ARHGEF10L: variants seen among roughly 807,000 people sequenced by gnomAD.
The protein encoded by ARHGEF10L is Rho guanine nucleotide exchange factor 10 like.
In ARHGEF10L, 69 loss-of-function variants were observed where a neutral mutation model predicts 141.2. The ratio of observed to expected loss-of-function variants is 0.49; its 90% CI spans 0.40 to 0.60. The LOEUF is 0.60. Among genes scored for constraint, ARHGEF10L ranks in the 20% least tolerant of loss-of-function variants. The probability of loss-of-function intolerance (pLI) is 0.00; values close to 1 mark genes in which losing one functional copy is unlikely to be tolerated. For missense variants in ARHGEF10L, 1,482 were observed against 1,734.3 expected, an observed-to-expected ratio of 0.85 and a Z score of 2.58; for synonymous variants, 711 against 718.5, an observed-to-expected ratio of 0.99 and a Z score of 0.17.
At chr1:17,588,377 CG>C in intron 3 of ARHGEF10L, 68 bp from the exon 4 acceptor site, 3 of 1,570,644 alleles carry the variant, frequency 1.9e-6, no homozygotes, top group Non-Finnish European at 1.7e-6. Context: ...GGGAAAGGGG[CG>C]GGGAAGGCCT....
intron 27 of ARHGEF10L, among the ~76,000 whole-genome samples, chr1:17,690,362 G>C (rs1374864952): frequency 6.6e-6 from 1 of 152,248 alleles, no homozygotes; most frequent in Non-Finnish European, 1.5e-5. Flanking sequence ...CCGCAGGGCA[G>C]GTGTAGGTGT....
chr1:17,525,242 G>A, the ARHGEF10L span, among the ~76,000 whole-genome samples: 2 of 152,080 alleles, frequency 1.3e-5, no homozygotes, highest in Non-Finnish European at 2.9e-5. Flanking sequence ...TTCTCCCTCC[G>A]CATCTTAGTC....
intron 1 of ARHGEF10L, among the ~76,000 whole-genome samples, chr1:17,553,148 T>C (rs918496611): frequency 6.6e-6 from 1 of 152,186 alleles, no homozygotes; most frequent in African/African-American, 2.4e-5. Flanking sequence ...CTTCTGCTCC[T>C]TTCACTCCTC....
At chr1:17,532,891 A>C in the ARHGEF10L span, among the ~76,000 whole-genome samples, 1 of 151,886 alleles carries the variant, frequency 6.6e-6, no homozygotes, top group Non-Finnish European at 1.5e-5. Flanking sequence ...TACTGCACCC[A>C]CCACCCCCTC....
chr1:17,616,059 TC>T, intron 8 of ARHGEF10L, 34 bp from the exon 9 acceptor site: 1 of 1,592,162 alleles, frequency 6.3e-7, no homozygotes, highest in Non-Finnish European at 8.6e-7. Flanking sequence ...TCCCAGGCCG[TC>T]CCTTCCCTGA....
At chr1:17,561,560 G>C (rs2077545452) in intron 1 of ARHGEF10L, among the ~76,000 whole-genome samples, 1 of 152,174 alleles carries the variant, frequency 6.6e-6, no homozygotes, top group African/African-American at 2.4e-5. Flanking sequence ...GCCCAGCGTC[G>C]ATGGGCGCTG....
chr1:17,591,132 C>T (rs909977481), intron 4 of ARHGEF10L, among the ~76,000 whole-genome samples: 7 of 152,304 alleles, frequency 4.6e-5, no homozygotes, highest in Admixed American at 6.5e-5. Context: ...GGAAGGGAAG[C>T]GCAGAGTGGT....
At chr1:17,624,934 C>T (rs997899045) in intron 13 of ARHGEF10L, among the ~76,000 whole-genome samples, 2 of 152,192 alleles carry the variant, frequency 1.3e-5, no homozygotes, top group Admixed American at 6.5e-5. Flanking sequence ...AGGTTAAAGG[C>T]TTCGAAAAGC....
chr1:17,577,298 G>C (rs1277430595), intron 1 of ARHGEF10L, among the ~76,000 whole-genome samples: 1 of 152,126 alleles, frequency 6.6e-6, no homozygotes, highest in East Asian at 1.9e-4. Flanking sequence ...TGCCTGCCCC[G>C]GCCTCCCAAA....
At chr1:17,683,526 C>T (rs1344798870) in intron 26 of ARHGEF10L, among the ~76,000 whole-genome samples, 3 of 152,222 alleles carry the variant, frequency 2.0e-5, no homozygotes, top group Non-Finnish European at 2.9e-5. Flanking sequence ...CCACCTACTC[C>T]CTGCCCTGTG....
chr1:17,686,412 A>T (rs2064602599), intron 26 of ARHGEF10L, among the ~76,000 whole-genome samples: 1 of 152,230 alleles, frequency 6.6e-6, no homozygotes, highest in East Asian at 1.9e-4. Context: ...CTGTCCTTGG[A>T]GTCCACAGTC....
At chr1:17,608,009 T>A in intron 7 of ARHGEF10L, 32 bp downstream of exon 7, 1 of 647,264 alleles carries the variant, frequency 1.5e-6, no homozygotes. Flanking sequence ...CTCACCTCAG[T>A]CAGGGCACGG....
At position 17,638,018 on chromosome 1, in the gene ARHGEF10L, C is replaced by T; in HGVS notation, c.2043+15C>T. 1 of 1,564,046 alleles carries T rather than the reference C, an allele frequency of 6.4e-7. No homozygotes were observed. The highest frequency in any genetic ancestry group is 8.7e-7 in the Non-Finnish European group (1 of 1,153,398). On this transcript the variant is annotated intron_variant, in intron 19 of 28. Transcript: ENST00000361221. ...GCACCTACCAGGTACGTGGCCTGGC[C>T]TGACCTTTTTGGCCTGAGCTCCCCA...
At chr1:17,599,206 C>T (rs1438679322) in intron 4 of ARHGEF10L, among the ~76,000 whole-genome samples, 2 of 151,978 alleles carry the variant, frequency 1.3e-5, no homozygotes, top group Admixed American at 6.6e-5. Context: ...CATAGTGGCG[C>T]GTGCCTGTAG....
chr1:17,559,896 G>A (rs1045714536), intron 1 of ARHGEF10L, among the ~76,000 whole-genome samples: 2 of 152,084 alleles, frequency 1.3e-5, no homozygotes, highest in Admixed American at 6.5e-5. Context: ...CCTGCCCTGG[G>A]TTCAGCACTC....
intron 28 of ARHGEF10L, 49 bp downstream of exon 28, chr1:17,695,329 G>A (rs768219022): frequency 7.2e-6 from 11 of 1,533,938 alleles, no homozygotes; most frequent in South Asian, 1.3e-5. Flanking sequence ...TCAGCTGCAG[G>A]TGGCCAGTGG....
intron 25 of ARHGEF10L, among the ~76,000 whole-genome samples, chr1:17,661,221 G>A (rs1023723338): frequency 4.6e-5 from 7 of 152,120 alleles, no homozygotes; most frequent in Non-Finnish European, 1.0e-4. Flanking sequence ...GGGATTACAG[G>A]CGCACACCAC....
rs892366472 is a variant in ARHGEF10L, at chr1:17,656,971, G to C, written c.2860+263G>C. 6.6e-6 allele frequency among the ~76,000 whole-genome samples: 1 copy of C among 152,162 alleles called. No individual in the cohort carries two copies. The highest frequency in any genetic ancestry group is 6.5e-5 in the Admixed American group (1 of 15,278). ...ACTGTAGTGGATAAGAGAGGTACTC[G>C]CAGGTTGGAGAGACCTGGCTTCCCG... On this transcript the variant is annotated intron_variant, in intron 25 of 28. Coordinates refer to ENST00000361221, the MANE Select transcript of ARHGEF10L (RefSeq NM_018125.4). The surrounding 1 kb of genome is among the most constrained non-coding windows in gnomAD (Gnocchi z 4.9).
At chr1:17,556,262 A>C in intron 1 of ARHGEF10L, among the ~76,000 whole-genome samples, 1 of 28,410 alleles carries the variant, frequency 3.5e-5, no homozygotes, top group Non-Finnish European at 5.7e-5. Flanking sequence ...TGGGCCTGGG[A>C]GCATGGCGGC....
Sources: allele counts gnomAD v4.1 joint callset (sites outside exome capture counted in the v4.1 genomes callset), GRCh38; gene constraint gnomAD v4.1.1; non-coding constraint Gnocchi (gnomAD v3.1); transcripts MANE v1.5; gene names NCBI Gene and HGNC (gene_info 2026-07-23, HGNC 2026-07-21).